TEK: variants seen among roughly 807,000 people sequenced by gnomAD.
TEK encodes TEK receptor tyrosine kinase.
TEK carries 43 observed loss-of-function variants against 131.8 expected under a neutral mutation model. The observed-to-expected ratio is 0.33, with a 90% CI of 0.26 to 0.42. The LOEUF is 0.42. Ranked by LOEUF, TEK falls within the 10% of genes least tolerant of loss-of-function variation. TEK has a pLI of 1.00. For synonymous variants in TEK, 580 were observed against 491.6 expected, an observed-to-expected ratio of 1.18 and a Z score of -2.38; for missense variants, 1,162 against 1,384.4, an observed-to-expected ratio of 0.84 and a Z score of 2.55.
chr9:27,135,303 C>A (rs1190078238), intron 1 of TEK, among the ~76,000 whole-genome samples: 1 of 151,698 alleles, frequency 6.6e-6, no homozygotes, highest in East Asian at 1.9e-4. Flanking sequence ...CCTTAGACCT[C>A]ATTTTCTCTC....
At chr9:27,156,215 A>G (rs893864859) in intron 1 of TEK, among the ~76,000 whole-genome samples, 3 of 152,164 alleles carry the variant, frequency 2.0e-5, no homozygotes, top group African/African-American at 7.2e-5. Context: ...CCATTCATCC[A>G]TACACTCATC....
At chr9:27,173,385 G>A in intron 6 of TEK, 23 bp downstream of exon 6, 1 of 1,613,616 alleles carries the variant, frequency 6.2e-7, no homozygotes. Context: ...CACACCCTTG[G>A]ACAGAGGATG....
chr9:27,204,735 C>T (rs1267972203), intron 13 of TEK, among the ~76,000 whole-genome samples, 176 bp from the exon 14 acceptor site: 2 of 151,124 alleles, frequency 1.3e-5, no homozygotes, highest in African/African-American at 4.9e-5. Flanking sequence ...GTGAGTCAGA[C>T]TCATCTCCAC....
intron 9 of TEK, among the ~76,000 whole-genome samples, chr9:27,187,218 C>G (rs489347): frequency 0.68 from 102,825 of 152,054 alleles, 35,116 homozygotes; most frequent in Admixed American, 0.74. Context: ...TTCTCCAGTC[C>G]TAAGTCACTG....
At chr9:27,188,088 G>C (rs978667829) in intron 9 of TEK, among the ~76,000 whole-genome samples, 1 of 152,134 alleles carries the variant, frequency 6.6e-6, no homozygotes. Flanking sequence ...TTGCAAACAT[G>C]ATAACCAGTG....
At chr9:27,173,928 T>TAA (rs113238770) in intron 6 of TEK, among the ~76,000 whole-genome samples, 19 of 141,924 alleles carry the variant, frequency 1.3e-4, no homozygotes, top group South Asian at 2.2e-4. Context: ...AGACCTCGTT[T>TAA]AAAAAAAAAA....
intron 6 of TEK, among the ~76,000 whole-genome samples, chr9:27,173,844 C>T (rs920645397): frequency 4.7e-5 from 7 of 148,178 alleles, no homozygotes; most frequent in East Asian, 4.0e-4. Context: ...GCAGGAGGAT[C>T]CCTTGAGCCC....
chr9:27,129,483 C>T (rs989494095), intron 1 of TEK, among the ~76,000 whole-genome samples: 1 of 152,126 alleles, frequency 6.6e-6, no homozygotes, highest in African/African-American at 2.4e-5. Context: ...TGCCACTTCC[C>T]CCTTGCATAT....
At chr9:27,147,730 G>A (rs1822979256) in intron 1 of TEK, among the ~76,000 whole-genome samples, 1 of 152,224 alleles carries the variant, frequency 6.6e-6, no homozygotes, top group African/African-American at 2.4e-5. Flanking sequence ...TGTTTTACAC[G>A]ATGTATTTTT....
chr9:27,153,925 T>A (rs1200746898), intron 1 of TEK, among the ~76,000 whole-genome samples: 2 of 151,674 alleles, frequency 1.3e-5, no homozygotes, highest in Admixed American at 1.3e-4. Context: ...GTTTGGCTAC[T>A]TTTTTTTTCA....
chr9:27,229,474 T>C lies in TEK; in HGVS notation c.*242T>C. ...ATCAGAATGCCTGTTTGTGGTTTCA[T>C]ATGCAATAATATATTTTTTTAAAAA... On this transcript the variant is annotated 3_prime_UTR_variant, in exon 23 of 23. Coordinates refer to ENST00000380036, the MANE Select transcript of TEK (RefSeq NM_000459.5). The C allele has an allele frequency of 1.9e-6, 1 of 535,004 alleles. No homozygotes were observed. The highest frequency in any genetic ancestry group is 3.4e-6 in the Non-Finnish European group (1 of 298,390). 33.1% of individuals were successfully genotyped at this position (535,004 alleles called of 1,614,324 possible). A position where few individuals can be genotyped will look rare whatever the true frequency, so the allele number is the denominator to read the frequency against.
chr9:27,218,909 C>A, intron 20 of TEK, 92 bp downstream of exon 20: 2 of 1,219,390 alleles, frequency 1.6e-6, no homozygotes, highest in Non-Finnish European at 1.2e-6. Flanking sequence ...CACAGGATGC[C>A]GTTTGTATGT....
intron 19 of TEK, among the ~76,000 whole-genome samples, chr9:27,218,523 G>A (rs1223464260): frequency 4.6e-5 from 7 of 152,076 alleles, no homozygotes; most frequent in Non-Finnish European, 1.0e-4. Flanking sequence ...CATCTGTTTT[G>A]GACAGTACCA....
intron 19 of TEK, 90 bp from the exon 20 acceptor site, chr9:27,218,687 G>T: frequency 3.7e-6 from 5 of 1,352,594 alleles, no homozygotes; most frequent in Non-Finnish European, 5.3e-6. Flanking sequence ...CCTTTTCTCA[G>T]AAAGGGTGGG....
rs10700803 is a variant in TEK at position 27,123,052 on chromosome 9, C to CAAAAAAAAAAAAAA, written c.52+13423_52+13436dup. On this transcript the variant is annotated intron_variant, in intron 1 of 22. Transcript: ENST00000380036. ...TGGGTGACAGAGCGAGACTCTGTCT[C>CAAAAAAAAAAAAAA]AAAAAAAAAAAAAAAAAAAAAAAAA... is the stretch of plus-strand genomic sequence containing the variant. Among the ~76,000 whole-genome samples, 65 of 34,710 alleles carry CAAAAAAAAAAAAAA rather than the reference C, an allele frequency of 1.9e-3. 5 individuals are homozygous for CAAAAAAAAAAAAAA. Among genetic ancestry groups the CAAAAAAAAAAAAAA allele is most frequent in the East Asian group, 3.8e-3 (3 of 782 alleles). 22.8% of individuals were successfully genotyped at this position (34,710 alleles called of 152,430 possible).
intron 1 of TEK, among the ~76,000 whole-genome samples, chr9:27,145,233 C>G (rs1822870502): frequency 6.6e-6 from 1 of 152,156 alleles, no homozygotes; most frequent in African/African-American, 2.4e-5. Context: ...GAGAACTGGT[C>G]TCCTGTTAAG....
chr9:27,137,420 T>C (rs1279846524), intron 1 of TEK, among the ~76,000 whole-genome samples: 1 of 151,532 alleles, frequency 6.6e-6, no homozygotes, highest in East Asian at 1.9e-4. Context: ...TTTTCTTTTT[T>C]CAGCTATTTT....
chr9:27,142,835 G>A (rs1311821668), intron 1 of TEK, among the ~76,000 whole-genome samples: 1 of 152,226 alleles, frequency 6.6e-6, no homozygotes, highest in Non-Finnish European at 1.5e-5. Flanking sequence ...CCGTGGTATG[G>A]AGGTATAATG....
At chr9:27,164,508 A>G (rs1314133812) in intron 2 of TEK, among the ~76,000 whole-genome samples, 3 of 151,854 alleles carry the variant, frequency 2.0e-5, no homozygotes, top group Admixed American at 1.3e-4. Flanking sequence ...TTTAGTAGAG[A>G]TGGAGTTTCA....
Sources: gnomAD v4.1 joint callset for allele counts (sites outside exome capture counted in the v4.1 genomes callset) on GRCh38, gnomAD v4.1.1 for gene constraint, MANE v1.5 for transcripts, NCBI Gene and HGNC (gene_info 2026-07-23, HGNC 2026-07-21) for gene names.